The following TRPM3 variants were observed in gnomAD, a reference collection of about 807,000 sequenced individuals.
TRPM3 encodes the protein long transient receptor potential channel 3.
A neutral mutation model predicts 181.2 loss-of-function variants in TRPM3; 77 were observed. The ratio of observed to expected loss-of-function variants is 0.42; its 90% CI spans 0.35 to 0.51. The LOEUF (loss-of-function observed/expected upper bound fraction) is 0.51, where lower values mean the gene tolerates loss of function less well. Ranked by LOEUF, TRPM3 falls within the 20% of genes least tolerant of loss-of-function variation. The pLI, the probability that TRPM3 is intolerant of heterozygous loss-of-function variation, is 0.01. For synonymous variants in TRPM3, 745 were observed against 796.4 expected, an observed-to-expected ratio of 0.94 and a Z score of 1.09; for missense variants, 1,759 against 2,196.7, an observed-to-expected ratio of 0.80 and a Z score of 3.98.
intron 6 of TRPM3, among the ~76,000 whole-genome samples, chr9:70,814,614 C>T (rs1166631928): frequency 6.6e-6 from 1 of 152,084 alleles, no homozygotes; most frequent in Non-Finnish European, 1.5e-5. Context: ...TTTGAAAATA[C>T]TGTTCTCTCT....
intron 1 of TRPM3, among the ~76,000 whole-genome samples, chr9:71,348,706 A>T (rs1414625323): frequency 6.6e-6 from 1 of 151,742 alleles, no homozygotes; most frequent in Non-Finnish European, 1.5e-5. Context: ...CTGGGATTAC[A>T]GGTGCCCCCT....
intron 1 of TRPM3, among the ~76,000 whole-genome samples, chr9:70,944,795 A>G (rs1028975395): frequency 6.6e-6 from 1 of 151,992 alleles, no homozygotes; most frequent in Non-Finnish European, 1.5e-5. Flanking sequence ...TTTAATAGTG[A>G]TCTCTTGTGT....
chr9:71,340,764 T>A (rs2090907595), intron 1 of TRPM3, among the ~76,000 whole-genome samples: 1 of 152,148 alleles, frequency 6.6e-6, no homozygotes, highest in Non-Finnish European at 1.5e-5. Context: ...TGACACCCAG[T>A]AGCAATGAGC....
chr9:70,875,833 A>G (rs528596985), intron 1 of TRPM3, among the ~76,000 whole-genome samples: 99 of 152,108 alleles, frequency 6.5e-4, no homozygotes, highest in Admixed American at 1.8e-3. Context: ...ATAAGCAGAC[A>G]GATCCAGCAA....
At chr9:71,244,684 T>C (rs1206443855) in intron 1 of TRPM3, among the ~76,000 whole-genome samples, 1 of 152,208 alleles carries the variant, frequency 6.6e-6, no homozygotes, top group Non-Finnish European at 1.5e-5. Context: ...ACTATTTGGA[T>C]AACAGGCAAT....
chr9:70,922,408 T>C, intron 1 of TRPM3, among the ~76,000 whole-genome samples: 1 of 152,196 alleles, frequency 6.6e-6, no homozygotes, highest in Non-Finnish European at 1.5e-5. Context: ...GCCAATTGCA[T>C]ATTCTGTAAA....
intron 1 of TRPM3, among the ~76,000 whole-genome samples, chr9:71,061,821 C>T (rs2133359188): frequency 6.6e-6 from 1 of 152,156 alleles, no homozygotes; most frequent in South Asian, 2.1e-4. Flanking sequence ...ACATTGTATC[C>T]TTACTGTGTA....
At chr9:70,639,218 G>T (rs1206094213) in intron 10 of TRPM3, 24 bp from the exon 11 acceptor site, 1 of 1,612,614 alleles carries the variant, frequency 6.2e-7, no homozygotes, top group South Asian at 1.1e-5. Context: ...CACTGAGTTA[G>T]TCTGCCCCAG....
chr9:70,937,985 G>A (rs997110253), intron 1 of TRPM3, among the ~76,000 whole-genome samples: 3 of 152,136 alleles, frequency 2.0e-5, no homozygotes, highest in Non-Finnish European at 4.4e-5. Context: ...TGAGAACCGT[G>A]GTCTCCTATT....
chr9:71,031,842 A>G (rs1038347382), intron 1 of TRPM3, among the ~76,000 whole-genome samples: 1 of 147,254 alleles, frequency 6.8e-6, no homozygotes. Context: ...CTTCATACTT[A>G]TTGTCCTAGA....
intron 7 of TRPM3, among the ~76,000 whole-genome samples, chr9:70,781,013 C>T (rs1242621120): frequency 1.3e-5 from 2 of 152,058 alleles, no homozygotes; most frequent in East Asian, 3.9e-4. Context: ...ACAAAAACTG[C>T]TAATTAAAGT....
intron 8 of TRPM3, among the ~76,000 whole-genome samples, chr9:70,737,960 G>C (rs1213693109): frequency 6.6e-6 from 1 of 152,112 alleles, no homozygotes; most frequent in Admixed American, 6.6e-5. Context: ...CACCAGACAG[G>C]TCATCAAGAC....
At chr9:71,308,297 T>C (rs2087573695) in intron 1 of TRPM3, among the ~76,000 whole-genome samples, 1 of 152,176 alleles carries the variant, frequency 6.6e-6, no homozygotes. Flanking sequence ...AAAAACCTAT[T>C]ACTCTGCTTG....
intron 1 of TRPM3, among the ~76,000 whole-genome samples, chr9:71,150,574 A>G (rs1264418996): frequency 1.3e-5 from 2 of 152,156 alleles, no homozygotes; most frequent in Non-Finnish European, 2.9e-5. Context: ...ACAGATCAAA[A>G]GCATAGAGAA....
intron 5 of TRPM3, among the ~76,000 whole-genome samples, chr9:70,835,050 G>A (rs2094214288): frequency 6.6e-6 from 1 of 152,102 alleles, no homozygotes; most frequent in African/African-American, 2.4e-5. Context: ...CAGTGCACAT[G>A]AGAGCTCTTT....
chr9:71,408,203 G>T (rs2093473623), intron 1 of TRPM3, among the ~76,000 whole-genome samples: 1 of 152,192 alleles, frequency 6.6e-6, no homozygotes, highest in Non-Finnish European at 1.5e-5. Flanking sequence ...CTCCTCCAAA[G>T]GATCGCAGCT....
intron 1 of TRPM3, among the ~76,000 whole-genome samples, chr9:71,331,808 A>T (rs2090161873): frequency 1.5e-5 from 1 of 64,992 alleles, no homozygotes; most frequent in Admixed American, 1.3e-4. Context: ...GAGGAGAAAG[A>T]CGAGGAGAGA....
intron 1 of TRPM3, among the ~76,000 whole-genome samples, chr9:71,255,695 T>C (rs1332703823): frequency 6.6e-6 from 1 of 152,228 alleles, no homozygotes; most frequent in African/African-American, 2.4e-5. Context: ...TTGCCACCCA[T>C]TAAATGTAAA....
intron 5 of TRPM3, among the ~76,000 whole-genome samples, chr9:70,838,588 A>T (rs944421715): frequency 3.3e-5 from 5 of 152,146 alleles, no homozygotes; most frequent in African/African-American, 1.2e-4. Flanking sequence ...CAGGGATATG[A>T]CGTTAAGGGT....
Sources: gnomAD v4.1 joint callset for allele counts (sites outside exome capture counted in the v4.1 genomes callset) on GRCh38, gnomAD v4.1.1 for gene constraint, MANE v1.5 for transcripts, NCBI Gene and HGNC (gene_info 2026-07-23, HGNC 2026-07-21) for gene names.